The following DCLK2 variants were observed in gnomAD, a reference collection of about 807,000 sequenced individuals.
The protein encoded by DCLK2 is doublecortin like kinase 2.
Under a neutral mutation model 78.4 loss-of-function variants are expected in DCLK2, and 31 were observed. The ratio of observed to expected loss-of-function variants is 0.40; its 90% CI spans 0.30 to 0.53. The LOEUF (loss-of-function observed/expected upper bound fraction) is 0.53, where lower values mean the gene tolerates loss of function less well. Among genes scored for constraint, DCLK2 ranks in the 20% least tolerant of loss-of-function variants. DCLK2 has a pLI of 0.61. For synonymous variants in DCLK2, 407 were observed against 374.9 expected, an observed-to-expected ratio of 1.09 and a Z score of -0.99; for missense variants, 872 against 973.7, an observed-to-expected ratio of 0.90 and a Z score of 1.39.
intron 2 of DCLK2, among the ~76,000 whole-genome samples, chr4:150,166,512 CAA>C (rs1736092625): frequency 6.6e-6 from 1 of 151,836 alleles, no homozygotes; most frequent in South Asian, 2.1e-4. Flanking sequence ...GTACAAAAAA[CAA>C]AAACCGATAT....
chr4:150,208,040 G>C (rs144202846), intron 5 of DCLK2, among the ~76,000 whole-genome samples: 22 of 152,176 alleles, frequency 1.4e-4, no homozygotes, highest in African/African-American at 5.3e-4. Flanking sequence ...CAACCGACTT[G>C]ATAGGCTTAT....
At chr4:150,248,488 C>T (rs1287745385) in intron 14 of DCLK2, 103 bp downstream of exon 14, 5 of 932,066 alleles carry the variant, frequency 5.4e-6, no homozygotes, top group Non-Finnish European at 8.6e-6. Flanking sequence ...TGCATCCAAG[C>T]TCCATGGTAG....
chr4:150,245,166 G>A (rs1743208350), intron 12 of DCLK2, among the ~76,000 whole-genome samples: 1 of 152,202 alleles, frequency 6.6e-6, no homozygotes, highest in Non-Finnish European at 1.5e-5. Flanking sequence ...AGTTCACTCA[G>A]CAGGGAAATA....
chr4:150,176,414 G>A (rs1334212153), intron 2 of DCLK2, among the ~76,000 whole-genome samples: 1 of 152,106 alleles, frequency 6.6e-6, no homozygotes, highest in African/African-American at 2.4e-5. Flanking sequence ...CAAGCTCATG[G>A]TGACCTACCT....
At chr4:150,199,792 CAA>C (rs144675661) in intron 4 of DCLK2, among the ~76,000 whole-genome samples, 3,124 of 152,216 alleles carry the variant, frequency 0.021, 108 homozygotes, top group African/African-American at 0.071. Context: ...CTGGGTTAAT[CAA>C]AGAGTAGATG....
At chr4:150,191,993 T>A (rs1738489135) in intron 2 of DCLK2, among the ~76,000 whole-genome samples, 1 of 152,174 alleles carries the variant, frequency 6.6e-6, no homozygotes. Flanking sequence ...AATGGATTAC[T>A]TCTTAAGAAG....
intron 1 of DCLK2, among the ~76,000 whole-genome samples, chr4:150,095,403 C>T (rs1041331005): frequency 6.6e-6 from 1 of 152,218 alleles, no homozygotes; most frequent in Admixed American, 6.5e-5. Context: ...CTTTTGTCAT[C>T]TTTTGCTCAC....
intron 2 of DCLK2, among the ~76,000 whole-genome samples, chr4:150,123,098 C>T (rs1732681610): frequency 6.6e-6 from 1 of 152,206 alleles, no homozygotes; most frequent in East Asian, 1.9e-4. Context: ...CCTTTTAATT[C>T]ATGTGATAAC....
Position 150,081,147 on chromosome 4 carries a change from A to G in DCLK2, c.421+1699A>G, listed in dbSNP as rs1425307869. Among the ~76,000 whole-genome samples the G allele has an allele frequency of 2.6e-5, 4 of 152,342 alleles. No individual in the cohort carries two copies. In the South Asian group the frequency reaches 6.2e-4, roughly 24 times the overall value. ...TTACTCAACATGCCATTGGGATACT[A>G]CTGTTCCTGGTATGGTTTCTTAAGA... On this transcript the variant is annotated intron_variant, in intron 1 of 15. Transcript: ENST00000296550.
chr4:150,203,753 G>A (rs373992534), intron 4 of DCLK2, 42 bp from the exon 5 acceptor site: 11 of 1,528,094 alleles, frequency 7.2e-6, no homozygotes, highest in South Asian at 1.1e-5. Flanking sequence ...GTTGTTGTGG[G>A]TTTTAATGGG....
intron 15 of DCLK2, chr4:150,253,864 G>C (rs1440710894): frequency 3.0e-6 from 3 of 985,368 alleles, no homozygotes; most frequent in South Asian, 4.7e-5. Flanking sequence ...GGAAAGAGCA[G>C]CTTAAGATGG....
chr4:150,235,925 GC>G (rs1742465810), intron 10 of DCLK2, among the ~76,000 whole-genome samples: 1 of 152,158 alleles, frequency 6.6e-6, no homozygotes, highest in Non-Finnish European at 1.5e-5. Flanking sequence ...CACAGGGGTG[GC>G]CGTTAATGCT....
At chr4:150,151,934 A>AT (rs60925455) in intron 2 of DCLK2, among the ~76,000 whole-genome samples, 30,423 of 151,780 alleles carry the variant, frequency 0.2, 3,250 homozygotes, top group Non-Finnish European at 0.23. Context: ...CAAAAAAAAA[A>AT]AATAATAATA....
intron 2 of DCLK2, among the ~76,000 whole-genome samples, chr4:150,127,728 C>A (rs886153286): frequency 6.6e-6 from 1 of 152,192 alleles, no homozygotes; most frequent in Admixed American, 6.5e-5. Flanking sequence ...GATTTTGATT[C>A]TTTGCACACA....
chr4:150,086,862 T>G (rs1477394637), intron 1 of DCLK2, among the ~76,000 whole-genome samples: 1 of 152,230 alleles, frequency 6.6e-6, no homozygotes, highest in African/African-American at 2.4e-5. Context: ...CCAGGATTAT[T>G]CTAAGCCCGC....
In DCLK2 at chr4:150,136,899, C is replaced by T. The variant is rs548920442; in HGVS notation, c.756+34087C>T. 2.0e-5 allele frequency among the ~76,000 whole-genome samples: 3 copies of T among 151,502 alleles called. No individual in the cohort carries two copies. The South Asian group carries it at 6.3e-4, about 32-fold the overall frequency. ...GCTGCTGGTGTTGTGAAGTTGTGTG[C>T]ATAATGGATCATGGAGAACCTAGCA... On this transcript the variant is annotated intron_variant, in intron 2 of 15. Coordinates refer to ENST00000296550, the MANE Select transcript of DCLK2 (RefSeq NM_001040260.4).
At chr4:150,089,809 A>G (rs1438017840) in intron 1 of DCLK2, among the ~76,000 whole-genome samples, 1 of 152,210 alleles carries the variant, frequency 6.6e-6, no homozygotes, top group Non-Finnish European at 1.5e-5. Context: ...TGCTCAAACT[A>G]AATTGGTGTT....
intron 2 of DCLK2, among the ~76,000 whole-genome samples, chr4:150,142,769 AAAG>A (rs892023381): frequency 7.9e-5 from 12 of 152,058 alleles, no homozygotes; most frequent in African/African-American, 2.7e-4. Flanking sequence ...TATGCAAACT[AAAG>A]AAGCAGCTCC....
At chr4:150,088,213 ATTG>A (rs1187179122) in intron 1 of DCLK2, among the ~76,000 whole-genome samples, 1 of 152,182 alleles carries the variant, frequency 6.6e-6, no homozygotes, top group African/African-American at 2.4e-5. Flanking sequence ...TACTGGTTAT[ATTG>A]TTGTTCATTA....
Sources: gnomAD v4.1 joint callset for allele counts (sites outside exome capture counted in the v4.1 genomes callset) on GRCh38, gnomAD v4.1.1 for gene constraint, MANE v1.5 for transcripts, NCBI Gene and HGNC (gene_info 2026-07-23, HGNC 2026-07-21) for gene names.